NR6A1: variants seen among roughly 807,000 people sequenced by gnomAD.
The protein encoded by NR6A1 is nuclear receptor subfamily 6 group A member 1.
A neutral mutation model predicts 59.1 loss-of-function variants in NR6A1; 7 were observed. The observed-to-expected ratio is 0.12, with a 90% CI of 0.07 to 0.22. The LOEUF (loss-of-function observed/expected upper bound fraction) is 0.22, where lower values mean the gene tolerates loss of function less well. Among genes scored for constraint, NR6A1 ranks in the 10% least tolerant of loss-of-function variants. The pLI, the probability that NR6A1 is intolerant of heterozygous loss-of-function variation, is 1.00. For synonymous variants in NR6A1, 243 were observed against 236.1 expected (o/e 1.03, Z -0.27); for missense variants, 468 against 611.6 (o/e 0.77, Z 2.48).
chr9:124,606,947 T>C (rs1484206454), intron 2 of NR6A1, among the ~76,000 whole-genome samples: 2 of 152,182 alleles, frequency 1.3e-5, no homozygotes, highest in Admixed American at 6.5e-5. Context: ...TGAAATATTA[T>C]TCAATCCTGG....
At position 124,643,536 on chromosome 9, in the gene NR6A1, G is replaced by A. The variant is rs531671940; in HGVS notation, c.143-88966C>T. 3.3e-5 allele frequency among the ~76,000 whole-genome samples: 5 copies of A among 151,740 alleles called. No individual in the cohort carries two copies. The East Asian group carries it at 7.8e-4, about 24-fold the overall frequency. On this transcript the variant is annotated intron_variant, in intron 2 of 9. Coordinates refer to ENST00000487099, the MANE Select transcript of NR6A1 (RefSeq NM_033334.4). ...GATTGCTGGAGCCCAAGAGACGAAG[G>A]GAGCAGTGAGCCAAGATTCCGCACC...
intron 2 of NR6A1, among the ~76,000 whole-genome samples, chr9:124,627,158 AAT>A (rs1391724210): frequency 2.0e-5 from 3 of 152,204 alleles, no homozygotes; most frequent in Non-Finnish European, 4.4e-5. Flanking sequence ...TCTGTAAGAC[AAT>A]GTTTCCTATT....
chr9:124,558,822 AAACC>A (rs761035186), intron 2 of NR6A1, among the ~76,000 whole-genome samples: 3 of 152,020 alleles, frequency 2.0e-5, no homozygotes, highest in Admixed American at 6.6e-5. Context: ...TCCCCACTGA[AAACC>A]AACCAACCAA....
At chr9:124,546,172 A>G (rs1194871909) in intron 3 of NR6A1, among the ~76,000 whole-genome samples, 2 of 152,222 alleles carry the variant, frequency 1.3e-5, no homozygotes, top group African/African-American at 4.8e-5. Flanking sequence ...TACGTATATG[A>G]TAGAAATCTA....
intron 2 of NR6A1, among the ~76,000 whole-genome samples, chr9:124,723,622 A>G (rs1839627357): frequency 6.6e-6 from 1 of 152,244 alleles, no homozygotes; most frequent in Non-Finnish European, 1.5e-5. Flanking sequence ...CAGTTTCAAC[A>G]GCCCATTAGT....
In NR6A1 at chr9:124,538,101, A is replaced by G. The variant is rs754435266; in HGVS notation, c.815T>C (p.Ile272Thr). 28 of 1,607,688 alleles carry G rather than the reference A, an allele frequency of 1.7e-5. No homozygotes were observed. The highest frequency in any genetic ancestry group is 2.2e-5 in the East Asian group (1 of 44,872). Residue 272 changes from isoleucine (I) to threonine (T), a missense_variant, in exon 6 of 10, where the codon ATT becomes ACT. Physicochemically the swap from Ile to Thr is moderately conservative, Grantham distance 89. Coordinates refer to ENST00000487099, the MANE Select transcript of NR6A1 (RefSeq NM_033334.4). ...DLEPLGTPMLIEDGYAVTQAE... is the reference protein window; with the variant it reads ...DLEPLGTPMLTEDGYAVTQAE... Reference sequence around the variant, plus strand: ...GGCGGAGCTCACTCACCCATCTTCAATCAACATGGGCGTGCCCAATGGTTC... The same window carrying G: ...GGCGGAGCTCACTCACCCATCTTCAGTCAACATGGGCGTGCCCAATGGTTC...
chr9:124,684,052 C>T (rs1000452992), intron 2 of NR6A1, among the ~76,000 whole-genome samples: 3 of 152,136 alleles, frequency 2.0e-5, no homozygotes, highest in Non-Finnish European at 4.4e-5. Flanking sequence ...CAAATATAGA[C>T]AGAACAAAAC....
intron 2 of NR6A1, among the ~76,000 whole-genome samples, chr9:124,572,533 G>A (rs953192342): frequency 6.6e-6 from 1 of 152,200 alleles, no homozygotes; most frequent in East Asian, 1.9e-4. Context: ...AAGGTCATAC[G>A]AATTGAGAAC....
intron 2 of NR6A1, among the ~76,000 whole-genome samples, chr9:124,702,089 CGT>C (rs1293293959): frequency 1.3e-5 from 2 of 152,124 alleles, no homozygotes; most frequent in African/African-American, 4.8e-5. Context: ...TTCTTAATAA[CGT>C]ATTTTGAAAT....
At chr9:124,738,810 T>A (rs914182535) in intron 1 of NR6A1, among the ~76,000 whole-genome samples, 4 of 151,752 alleles carry the variant, frequency 2.6e-5, no homozygotes, top group African/African-American at 9.7e-5. Flanking sequence ...TGAGACCAGC[T>A]TGGCCAACAT....
intron 2 of NR6A1, among the ~76,000 whole-genome samples, chr9:124,578,844 C>T (rs1588681744): frequency 6.6e-6 from 1 of 152,222 alleles, no homozygotes; most frequent in South Asian, 2.1e-4. Context: ...ACCCTTCCCC[C>T]ACTCACTATG....
chr9:124,591,629 C>A lies in NR6A1; in HGVS notation c.143-37059G>T, dbSNP rs138370599. Among the ~76,000 whole-genome samples the A allele has an allele frequency of 1.2e-3, 185 of 152,266 alleles. 2 individuals are homozygous for A. Among genetic ancestry groups the A allele is most frequent in the African/African-American group, 3.9e-3 (164 of 41,562 alleles). Reference sequence around the variant, plus strand: ...TAACAATCCATCGAGGCTCACCAGCCGGTTGACTCCTGACCTTCCATGCTT... The same window carrying A: ...TAACAATCCATCGAGGCTCACCAGCAGGTTGACTCCTGACCTTCCATGCTT... On this transcript the variant is annotated intron_variant, in intron 2 of 9. Coordinates refer to ENST00000487099, the MANE Select transcript of NR6A1 (RefSeq NM_033334.4).
At chr9:124,764,299 T>C (rs185798062) in intron 1 of NR6A1, among the ~76,000 whole-genome samples, 1 of 152,160 alleles carries the variant, frequency 6.6e-6, no homozygotes, top group Non-Finnish European at 1.5e-5. Context: ...AGCTCTAAAC[T>C]ATGGGATTAC....
intron 2 of NR6A1, among the ~76,000 whole-genome samples, chr9:124,633,581 G>A (rs917646498): frequency 4.6e-5 from 7 of 152,060 alleles, no homozygotes; most frequent in Admixed American, 2.6e-4. Flanking sequence ...ATAAAGATAA[G>A]CAGGGCCCCT....
intron 2 of NR6A1, among the ~76,000 whole-genome samples, chr9:124,669,975 T>C (rs987214477): frequency 6.6e-6 from 1 of 152,180 alleles, no homozygotes; most frequent in African/African-American, 2.4e-5. Flanking sequence ...TACAGCAAGT[T>C]AGAGAAACTT....
At position 124,771,125 on chromosome 9, in the gene NR6A1, G is replaced by A; in HGVS notation, c.-6C>T. 1.6e-6 allele frequency: 2 copies of A among 1,223,854 alleles called. No homozygotes were observed. The highest frequency in any genetic ancestry group is 2.0e-6 in the Non-Finnish European group (2 of 980,588). 75.8% of individuals were successfully genotyped at this position (1,223,854 alleles called of 1,614,324 possible). ...GGCGGTTCGTCCCGCTCCATGCGGT[G>A]GTGCCTAGGGTCCGCGCCGGGTTTG... is the stretch of plus-strand genomic sequence containing the variant. On this transcript the variant is annotated 5_prime_UTR_variant, in exon 1 of 10. Transcript: ENST00000487099.
At chr9:124,645,675 A>G (rs543568228) in intron 2 of NR6A1, among the ~76,000 whole-genome samples, 4 of 152,348 alleles carry the variant, frequency 2.6e-5, no homozygotes, top group African/African-American at 9.6e-5. Flanking sequence ...AGAAAAAAAC[A>G]GATAAATCCA....
intron 2 of NR6A1, among the ~76,000 whole-genome samples, chr9:124,670,376 G>A (rs1198306531): frequency 2.6e-5 from 4 of 152,160 alleles, no homozygotes. Context: ...AAGACCAAGT[G>A]AGACACTTTC....
chr9:124,670,431 T>G (rs115507758), intron 2 of NR6A1, among the ~76,000 whole-genome samples: 1 of 152,274 alleles, frequency 6.6e-6, no homozygotes, highest in African/African-American at 2.4e-5. Flanking sequence ...TTTCTTTTAT[T>G]TGTCTATTTT....
Sources: gnomAD v4.1 joint callset for allele counts (sites outside exome capture counted in the v4.1 genomes callset) on GRCh38, gnomAD v4.1.1 for gene constraint, MANE v1.5 for transcripts, NCBI Gene and HGNC (gene_info 2026-07-23, HGNC 2026-07-21) for gene names.